The following FGD5 variants were observed in gnomAD, a reference collection of about 807,000 sequenced individuals.
The protein encoded by FGD5 is FYVE, RhoGEF and PH domain containing 5, also known as FYVE, RhoGEF and PH domain-containing protein 5.
A neutral mutation model predicts 133.4 loss-of-function variants in FGD5; 28 were observed. The ratio of observed to expected loss-of-function variants is 0.21; its 90% CI spans 0.16 to 0.29. The LOEUF (loss-of-function observed/expected upper bound fraction) is 0.29. Among genes scored for constraint, FGD5 ranks in the 10% least tolerant of loss-of-function variants. The probability of loss-of-function intolerance (pLI) is 1.00; values close to 1 mark genes in which losing one functional copy is unlikely to be tolerated. For missense variants in FGD5, 1,858 were observed against 1,895.2 expected (o/e 0.98, Z 0.36); for synonymous variants, 810 against 776.5 (o/e 1.04, Z -0.72).
intron 1 of FGD5, among the ~76,000 whole-genome samples, chr3:14,838,673 T>A (rs918461089): frequency 3.3e-5 from 5 of 152,228 alleles, no homozygotes; most frequent in Admixed American, 1.3e-4. Context: ...GTTCTGGGTA[T>A]GACCCATTCT....
At chr3:14,811,944 A>T (rs973638714) in intron 1 of FGD5, among the ~76,000 whole-genome samples, 1 of 152,074 alleles carries the variant, frequency 6.6e-6, no homozygotes, top group African/African-American at 2.4e-5. Flanking sequence ...TCCAAAACAC[A>T]CATCCCTAAA....
intron 4 of FGD5, among the ~76,000 whole-genome samples, 174 bp downstream of exon 4, chr3:14,880,946 G>C (rs533196666): frequency 6.6e-6 from 1 of 152,172 alleles, no homozygotes; most frequent in South Asian, 2.1e-4. Context: ...ATGTGCTTCC[G>C]GGGGCAGACA....
At chr3:14,926,595 TTGTC>T (rs1337856046) in intron 18 of FGD5, among the ~76,000 whole-genome samples, 1 of 152,232 alleles carries the variant, frequency 6.6e-6, no homozygotes, top group Non-Finnish European at 1.5e-5. Context: ...TACTCCCTTT[TTGTC>T]TGTCCATTTC....
At chr3:14,923,550 G>A (rs1255801405) in intron 16 of FGD5, among the ~76,000 whole-genome samples, 1 of 152,112 alleles carries the variant, frequency 6.6e-6, no homozygotes, top group Non-Finnish European at 1.5e-5. Context: ...CAGAGGAGCT[G>A]GGGTCAGGGA....
rs1455945774 is a variant in FGD5, at chr3:14,880,768, A to G, written c.2744A>G (p.Asn915Ser). ...KAYVEMLQHLNLDFHGAVMRA... is the reference protein window; with the variant it reads ...KAYVEMLQHLSLDFHGAVMRA... ...TACGTGGAGATGCTCCAGCACTTAAATCTGGTGAGTTAATCATTTTAATTG... is the reference window on the plus strand; with the variant it reads ...TACGTGGAGATGCTCCAGCACTTAAGTCTGGTGAGTTAATCATTTTAATTG... The change falls in exon 4 of 20, where the codon AAT becomes AGT. Residue 915 changes from asparagine to serine, a missense_variant. Asn to Ser is a conservative substitution (Grantham distance 46). This residue lies in a region of FGD5 where 1,824 missense variants were observed against 1,848.9 expected (regional missense o/e 0.99). Coordinates refer to ENST00000285046, the MANE Select transcript of FGD5 (RefSeq NM_152536.4). The G allele has an allele frequency of 1.2e-6, 2 of 1,613,856 alleles. No individual in the cohort carries two copies.
intron 11 of FGD5, among the ~76,000 whole-genome samples, chr3:14,912,151 C>T (rs536491405): frequency 1.1e-4 from 17 of 152,236 alleles, no homozygotes; most frequent in African/African-American, 4.1e-4. Context: ...GTAGAGGGGC[C>T]ACTTGAGGAC....
intron 8 of FGD5, among the ~76,000 whole-genome samples, chr3:14,900,686 G>C (rs2038221008): frequency 6.6e-6 from 1 of 152,208 alleles, no homozygotes; most frequent in South Asian, 2.1e-4. Context: ...CATCCCGTCA[G>C]AGGGGATGGG....
At chr3:14,829,273 G>A (rs1337674774) in intron 1 of FGD5, among the ~76,000 whole-genome samples, 1 of 152,200 alleles carries the variant, frequency 6.6e-6, no homozygotes, top group African/African-American at 2.4e-5. Context: ...AGTGTGACAA[G>A]TGTGTACGCC....
intron 9 of FGD5, 127 bp from the exon 10 acceptor site, chr3:14,907,513 G>A: frequency 1.3e-6 from 1 of 784,984 alleles, no homozygotes; most frequent in East Asian, 2.8e-5. Context: ...CAGGAGGTTG[G>A]ATTTGGGGCA....
intron 2 of FGD5, among the ~76,000 whole-genome samples, chr3:14,879,400 G>C (rs906636963): frequency 2.0e-5 from 3 of 152,260 alleles, no homozygotes; most frequent in African/African-American, 7.2e-5. Context: ...CCCAGCAGGA[G>C]CCTGCTTGTG....
chr3:14,817,442 C>T (rs1190504504), upstream of FGD5, among the ~76,000 whole-genome samples: 1 of 152,186 alleles, frequency 6.6e-6, no homozygotes, highest in African/African-American at 2.4e-5. Context: ...GTGATCTGCC[C>T]ACCTTAGCTT....
intron 2 of FGD5, among the ~76,000 whole-genome samples, chr3:14,867,506 C>A (rs17040432): frequency 0.086 from 13,083 of 152,172 alleles, 772 homozygotes; most frequent in East Asian, 0.3. Flanking sequence ...AGAAGGCAAT[C>A]AATGGACCAG....
chr3:14,821,174 C>T lies in FGD5; in HGVS notation c.2103C>T (p.Ser701=). 6.2e-7 allele frequency: 1 copy of T among 1,613,998 alleles called. No homozygotes were observed. The highest frequency in any genetic ancestry group is 8.5e-7 in the Non-Finnish European group (1 of 1,179,884). Reference sequence around the variant, plus strand: ...TGGAAGTTGACCGGAGAAGCCTCAGCAACTCCCCTCAGCTTAAGTCTCGGA... The same window carrying T: ...TGGAAGTTGACCGGAGAAGCCTCAGTAACTCCCCTCAGCTTAAGTCTCGGA... ...RILEVDRRSL[S]NSPQLKSRTG... Residue 701 remains serine, a synonymous_variant, in exon 1 of 20, where the codon AGC becomes AGT. Coordinates refer to ENST00000285046, the MANE Select transcript of FGD5 (RefSeq NM_152536.4).
intron 18 of FGD5, chr3:14,931,376 A>G (rs2038896436): frequency 6.6e-6 from 1 of 152,074 alleles, no homozygotes; most frequent in South Asian, 2.1e-4. Flanking sequence ...GGTTTTAGGG[A>G]TGAGGTCTCA....
At chr3:14,904,498 A>C (rs2038301322) in intron 9 of FGD5, among the ~76,000 whole-genome samples, 1 of 80,130 alleles carries the variant, frequency 1.2e-5, no homozygotes, top group South Asian at 4.5e-4. Flanking sequence ...ATCAATATAG[A>C]TTTCAGGGTG....
intron 2 of FGD5, among the ~76,000 whole-genome samples, chr3:14,878,646 AT>A (rs1416723143): frequency 6.6e-6 from 1 of 151,972 alleles, no homozygotes; most frequent in East Asian, 1.9e-4. Context: ...AGGTAAGAAA[AT>A]TGAGGCACAG....
At chr3:14,823,963 A>C (rs1247432545) in intron 1 of FGD5, among the ~76,000 whole-genome samples, 1 of 152,250 alleles carries the variant, frequency 6.6e-6, no homozygotes, top group Non-Finnish European at 1.5e-5. Context: ...CTGCGTGCCA[A>C]GCACTGTGCT....
Position 14,821,766 on chromosome 3 carries a change from G to A in FGD5, c.2525+170G>A, listed in dbSNP as rs977894721. On this transcript the variant is annotated intron_variant, in intron 1 of 19. Coordinates refer to ENST00000285046, the MANE Select transcript of FGD5 (RefSeq NM_152536.4). Reference sequence around the variant, plus strand: ...TCTCTGAGCCTCGGTTACTTCATCCGTGAAATGGGACTCATGCTACCTCAT... The same window carrying A: ...TCTCTGAGCCTCGGTTACTTCATCCATGAAATGGGACTCATGCTACCTCAT... 3.4e-5 allele frequency: 33 copies of A among 979,862 alleles called. No individual in the cohort carries two copies. The East Asian group carries it at 6.6e-4, about 20-fold the overall frequency. 60.7% of individuals were successfully genotyped at this position (979,862 alleles called of 1,614,324 possible).
Position 14,820,337 on chromosome 3 carries a change from G to T in FGD5, c.1266G>T (p.Leu422Phe). Residue 422 changes from leucine (L) to phenylalanine (F), a missense_variant, in exon 1 of 20, where the codon TTG becomes TTT. Leu to Phe is a conservative substitution (Grantham distance 22). This residue lies in a region of FGD5 where 1,824 missense variants were observed against 1,848.9 expected (regional missense o/e 0.99). Coordinates refer to ENST00000285046, the MANE Select transcript of FGD5 (RefSeq NM_152536.4). ...DVVVVLEEEA[L>F]DDALANPYVM... ...TGGTCGTGCTGGAGGAGGAGGCCTTGGATGATGCACTGGCCAACCCCTATG... is the reference window on the plus strand; with the variant it reads ...TGGTCGTGCTGGAGGAGGAGGCCTTTGATGATGCACTGGCCAACCCCTATG... The T allele has an allele frequency of 6.2e-7, 1 of 1,611,992 alleles. No individual in the cohort carries two copies. The highest frequency in any genetic ancestry group is 8.5e-7 in the Non-Finnish European group (1 of 1,178,822).
Sources: gnomAD v4.1 joint callset for allele counts (sites outside exome capture counted in the v4.1 genomes callset) on GRCh38, gnomAD v4.1.1 for gene constraint, gnomAD v4.1.1 regional missense constraint, MANE v1.5 for transcripts, NCBI Gene and HGNC (gene_info 2026-07-23, HGNC 2026-07-21) for gene names.